GALK2: variants seen among roughly 807,000 people sequenced by gnomAD.
GALK2 encodes the protein N-acetylgalactosamine kinase.
In GALK2, 36 loss-of-function variants were observed where a neutral mutation model predicts 52.4. The observed-to-expected ratio is 0.69, with a 90% CI of 0.53 to 0.91. The LOEUF is 0.91. Ranked by LOEUF, GALK2 falls within the 40% of genes least tolerant of loss-of-function variation. The pLI, the probability that GALK2 is intolerant of heterozygous loss-of-function variation, is 0.00. For synonymous variants in GALK2, 176 were observed against 199.1 expected, an observed-to-expected ratio of 0.88 and a Z score of 0.98; for missense variants, 579 against 559.1, an observed-to-expected ratio of 1.04 and a Z score of -0.36.
intron 3 of GALK2, among the ~76,000 whole-genome samples, chr15:49,234,549 T>C (rs939965964): frequency 6.6e-6 from 1 of 152,134 alleles, no homozygotes; most frequent in Admixed American, 6.5e-5. Flanking sequence ...AGTCACATCT[T>C]ACATGGCAGC....
chr15:49,367,667 G>GAATAA (rs2045425523), exon 4 of GALK2: 4 of 1,423,092 alleles, frequency 2.8e-6, no homozygotes, highest in Admixed American at 2.6e-5. Context: ...AAAAAACTGT[G>GAATAA]AATAAAATAT....
At chr15:49,216,555 A>C (rs971780852) in intron 2 of GALK2, among the ~76,000 whole-genome samples, 7 of 152,194 alleles carry the variant, frequency 4.6e-5, no homozygotes, top group African/African-American at 1.7e-4. Flanking sequence ...ACTGCCTCCA[A>C]GGCCGGTGCA....
intron 1 of GALK2, among the ~76,000 whole-genome samples, chr15:49,181,501 C>CTTTTT (rs370757144): frequency 8.8e-6 from 1 of 113,630 alleles, no homozygotes; most frequent in Non-Finnish European, 1.8e-5. Flanking sequence ...AAAAAAAAGA[C>CTTTTT]TTTTTTTTTT....
At chr15:49,296,756 C>T (rs1303528374) in intron 8 of GALK2, among the ~76,000 whole-genome samples, 1 of 152,084 alleles carries the variant, frequency 6.6e-6, no homozygotes, top group South Asian at 2.1e-4. Context: ...CCTGCCACTA[C>T]GCCCAGCTAA....
At chr15:49,265,762 G>C (rs73394308) in intron 5 of GALK2, among the ~76,000 whole-genome samples, 2,602 of 152,248 alleles carry the variant, frequency 0.017, 71 homozygotes, top group African/African-American at 0.06. Flanking sequence ...GGAACAAAAT[G>C]TTTGAAATTG....
chr15:49,299,492 AG>A lies in GALK2; in HGVS notation c.967+6956del, dbSNP rs201087992. 1.1e-3 allele frequency among the ~76,000 whole-genome samples: 172 copies of A among 151,948 alleles called. 3 individuals carry two copies. In the East Asian group the frequency reaches 0.029, roughly 26 times the overall value. ...GGTGTGATGTTTGGTTATTAATTTG[AG>A]ATCTTTCTAATGTTTTGATGTAGGT... On this transcript the variant is annotated intron_variant, in intron 8 of 9. Transcript: ENST00000560031.
chr15:49,198,431 C>A (rs1292039043), intron 1 of GALK2, among the ~76,000 whole-genome samples: 1 of 152,162 alleles, frequency 6.6e-6, no homozygotes. Flanking sequence ...ATCTTCCCAA[C>A]AAATCTATGG....
At chr15:49,183,676 T>C (rs2086138068) in intron 1 of GALK2, among the ~76,000 whole-genome samples, 1 of 152,094 alleles carries the variant, frequency 6.6e-6, no homozygotes, top group African/African-American at 2.4e-5. Context: ...AAACCCTGAC[T>C]TTACTAAAAA....
rs77649094 is a variant in GALK2 at position 49,240,693 on chromosome 15, C to T, written c.504+1326C>T. On this transcript the variant is annotated intron_variant, in intron 5 of 9. Transcript: ENST00000560031. ...TGGAAATGTCCAGAGTAAAAGCAAT[C>T]ATGGCTTGTTGGAGTAACAAAAAAA... is the stretch of plus-strand genomic sequence containing the variant. Among the ~76,000 whole-genome samples the T allele has an allele frequency of 9.5e-3, 1,442 of 152,250 alleles. 17 individuals are homozygous for T. The highest frequency in any genetic ancestry group is 0.038 in the Middle Eastern group (11 of 292).
chr15:49,362,260 A>C (rs891591683), intron 3 of GALK2, among the ~76,000 whole-genome samples: 2 of 152,064 alleles, frequency 1.3e-5, no homozygotes, highest in Admixed American at 6.6e-5. Flanking sequence ...CATGATAGTG[A>C]AAGTTCTCAT....
At chr15:49,278,274 CAAAAAT>C (rs964665967) in intron 5 of GALK2, among the ~76,000 whole-genome samples, 27 of 152,068 alleles carry the variant, frequency 1.8e-4, no homozygotes, top group Admixed American at 3.3e-4. Context: ...AAAACAAAAA[CAAAAAT>C]AAAACACAAT....
intron 3 of GALK2, among the ~76,000 whole-genome samples, chr15:49,233,181 T>C (rs2090601303): frequency 6.6e-6 from 1 of 152,136 alleles, no homozygotes; most frequent in African/African-American, 2.4e-5. Flanking sequence ...TAGGGAGGCC[T>C]CAGGAAACTT....
Position 49,365,742 on chromosome 15 carries a change from C to A in GALK2, c.427-1749C>A, listed in dbSNP as rs1265059178. The stretch of plus-strand genomic sequence containing the variant: ...CAATCTCCAAGATATCTTGTAAAAT[C>A]CAAGCCCACCTGTCTTCATTTTGAA... On this transcript the variant is annotated intron_variant, in intron 3 of 3. Transcript: ENST00000558399. 5.7e-6 allele frequency: 5 copies of A among 871,824 alleles called. No individual in the cohort carries two copies. In the East Asian group the frequency reaches 9.7e-5, roughly 17 times the overall value. 54.0% of individuals were successfully genotyped at this position (871,824 alleles called of 1,614,324 possible).
intron 2 of GALK2, among the ~76,000 whole-genome samples, chr15:49,215,992 C>T (rs931757182): frequency 6.6e-6 from 1 of 152,216 alleles, no homozygotes; most frequent in Non-Finnish European, 1.5e-5. Flanking sequence ...GCAATTCTTC[C>T]TGACATCTAG....
At chr15:49,248,370 G>A (rs75135140) in intron 5 of GALK2, among the ~76,000 whole-genome samples, 2 of 152,098 alleles carry the variant, frequency 1.3e-5, no homozygotes, top group Admixed American at 6.5e-5. Flanking sequence ...CCATATAATG[G>A]TTAAGGAAAA....
intron 3 of GALK2, among the ~76,000 whole-genome samples, chr15:49,337,188 TTTTTC>T (rs1411264469): frequency 2.0e-5 from 3 of 152,208 alleles, no homozygotes; most frequent in Non-Finnish European, 2.9e-5. Flanking sequence ...GAATAATTTA[TTTTTC>T]TTTTGAGTAT....
Position 49,179,987 on chromosome 15 carries a change from T to C in GALK2, c.53+9612T>C, listed in dbSNP as rs537756770. 7.9e-5 allele frequency among the ~76,000 whole-genome samples: 12 copies of C among 152,274 alleles called. No individual in the cohort carries two copies. In the South Asian group the frequency reaches 2.5e-3, roughly 32 times the overall value. On this transcript the variant is annotated intron_variant, in intron 1 of 9. Coordinates refer to ENST00000560031, the MANE Select transcript of GALK2 (RefSeq NM_002044.4). ...TTTCTGTTCTTAGAGAAAAATGCCTTCCTTGTTTCCTTTTATAGCCTCCAT... is the reference window on the plus strand; with the variant it reads ...TTTCTGTTCTTAGAGAAAAATGCCTCCCTTGTTTCCTTTTATAGCCTCCAT...
At chr15:49,191,896 G>A (rs536556485) in intron 1 of GALK2, among the ~76,000 whole-genome samples, 9 of 151,776 alleles carry the variant, frequency 5.9e-5, no homozygotes, top group Admixed American at 2.6e-4. Flanking sequence ...TTATTAATTG[G>A]CATTCTACTG....
chr15:49,355,042 A>C (rs889276165), intron 3 of GALK2, among the ~76,000 whole-genome samples: 23 of 151,320 alleles, frequency 1.5e-4, no homozygotes, highest in Middle Eastern at 3.4e-3. Context: ...CTCTGTTAGA[A>C]GGAAAACTAA....
Sources: gnomAD v4.1 joint callset for allele counts (sites outside exome capture counted in the v4.1 genomes callset) on GRCh38, gnomAD v4.1.1 for gene constraint, MANE v1.5 for transcripts, NCBI Gene and HGNC (gene_info 2026-07-23, HGNC 2026-07-21) for gene names.